SPDYA: variants seen among roughly 807,000 people sequenced by gnomAD.
The protein encoded by SPDYA is speedy protein A.
SPDYA carries 11 observed loss-of-function variants against 36.7 expected under a neutral mutation model. That is an observed-to-expected ratio of 0.30 (90% CI 0.19 to 0.50). The LOEUF (loss-of-function observed/expected upper bound fraction) is 0.50. Among genes scored for constraint, SPDYA ranks in the 20% least tolerant of loss-of-function variants. The pLI is 0.98. For missense variants in SPDYA, 287 were observed against 370.9 expected (o/e 0.77, Z 1.86); for synonymous variants, 115 against 118.7 (o/e 0.97, Z 0.20).
At chr2:28,847,499 T>G (rs549138379) in intron 7 of SPDYA, among the ~76,000 whole-genome samples, 3 of 151,650 alleles carry the variant, frequency 2.0e-5, no homozygotes, top group Admixed American at 1.3e-4. Flanking sequence ...CCTAGAACTG[T>G]GGGAGGCCGA....
At chr2:28,819,157 C>T in intron 4 of SPDYA, 51 bp downstream of exon 4, 1 of 1,332,412 alleles carries the variant, frequency 7.5e-7, no homozygotes, top group Admixed American at 1.9e-5. Flanking sequence ...TGTAACTGAA[C>T]CATTAGAGCT....
chr2:28,845,731 G>C (rs1282388635), intron 7 of SPDYA, among the ~76,000 whole-genome samples: 2 of 151,974 alleles, frequency 1.3e-5, no homozygotes, highest in Non-Finnish European at 1.5e-5. Flanking sequence ...TTTTAGTAGA[G>C]ACAGGGTTTC....
chr2:28,827,642 G>GT (rs953065599), intron 5 of SPDYA, among the ~76,000 whole-genome samples: 18 of 150,930 alleles, frequency 1.2e-4, no homozygotes, highest in South Asian at 6.3e-4. Context: ...TTATCTAATG[G>GT]TTTTTTTTTC....
intron 7 of SPDYA, among the ~76,000 whole-genome samples, chr2:28,843,854 T>C (rs779270623): frequency 6.6e-6 from 1 of 152,168 alleles, no homozygotes; most frequent in Non-Finnish European, 1.5e-5. Context: ...ACTACTATTG[T>C]TTCTCCTTAC....
At chr2:28,819,847 AAAATATATATATATATATATAT>A (rs1175368652) in intron 4 of SPDYA, among the ~76,000 whole-genome samples, 6 of 19,526 alleles carry the variant, frequency 3.1e-4, no homozygotes, top group Non-Finnish European at 4.2e-4. Context: ...AAAAAAAAAA[AAAATATATATATATATATATAT>A]ATATATATAT....
chr2:28,839,152 T>A (rs1054703940), intron 6 of SPDYA, among the ~76,000 whole-genome samples: 3 of 152,174 alleles, frequency 2.0e-5, no homozygotes, highest in Non-Finnish European at 4.4e-5. Flanking sequence ...ATTTTAGAGA[T>A]GAAGAAATTG....
At chr2:28,843,331 C>T (rs1668791744) in intron 7 of SPDYA, among the ~76,000 whole-genome samples, 1 of 152,064 alleles carries the variant, frequency 6.6e-6, no homozygotes, top group South Asian at 2.1e-4. Context: ...GGGCGGATCA[C>T]CTGAGGTCAG....
At position 28,840,293 on chromosome 2, in the gene SPDYA, C is replaced by T; in HGVS notation, c.674C>T (p.Pro225Leu). Residue 225 changes from proline to leucine, a missense_variant, in exon 7 of 8, where the codon CCA becomes CTA. Coordinates refer to ENST00000334056, the MANE Select transcript of SPDYA (RefSeq NM_182756.4). ...CTGCCCCGGGGACCTAGTGCCACAC[C>T]AGTAGATTGTTCACTCTGTGGTAAA... The part of the protein sequence containing the change: ...VQLPRGPSAT[P>L]VDCSLCGKKR... 3 of 1,613,176 alleles carry T rather than the reference C, an allele frequency of 1.9e-6. No individual in the cohort carries two copies. Among genetic ancestry groups the T allele is most frequent in the Admixed American group, 1.7e-5 (1 of 59,834 alleles).
At chr2:28,822,765 G>A (rs754098104) in intron 5 of SPDYA, among the ~76,000 whole-genome samples, 14 of 151,964 alleles carry the variant, frequency 9.2e-5, no homozygotes, top group African/African-American at 3.1e-4. Flanking sequence ...GTGCCACCAC[G>A]CTCAGCTAAT....
chr2:28,833,661 C>T (rs1170362267), intron 6 of SPDYA, among the ~76,000 whole-genome samples: 1 of 152,114 alleles, frequency 6.6e-6, no homozygotes, highest in African/African-American at 2.4e-5. Flanking sequence ...AACTGGATAT[C>T]TACAAGCAAA....
intron 7 of SPDYA, among the ~76,000 whole-genome samples, chr2:28,844,629 C>A (rs1034050199): frequency 5.3e-5 from 8 of 152,086 alleles, no homozygotes; most frequent in Admixed American, 3.9e-4. Flanking sequence ...CTGTATTAAA[C>A]GCATCTTTTT....
chr2:28,841,684 G>A (rs1480048050), intron 7 of SPDYA, among the ~76,000 whole-genome samples: 1 of 152,112 alleles, frequency 6.6e-6, no homozygotes, highest in Non-Finnish European at 1.5e-5. Context: ...TTGAAGGTAG[G>A]GGTTATGCCT....
chr2:28,824,146 T>G (rs185524619), intron 5 of SPDYA, among the ~76,000 whole-genome samples: 73 of 152,222 alleles, frequency 4.8e-4, no homozygotes, highest in African/African-American at 1.7e-3. Context: ...AAGTTTTTAC[T>G]CAAAGTGTAT....
chr2:28,821,806 T>C (rs2148081409), intron 4 of SPDYA, among the ~76,000 whole-genome samples: 1 of 152,230 alleles, frequency 6.6e-6, no homozygotes, highest in East Asian at 1.9e-4. Flanking sequence ...TTAAAACACA[T>C]TCTCCCCATG....
chr2:28,819,058 A>G lies in SPDYA; in HGVS notation c.246A>G (p.Leu82=). 5.6e-6 allele frequency: 9 copies of G among 1,611,366 alleles called. No homozygotes were observed. The highest frequency in any genetic ancestry group is 7.6e-6 in the Non-Finnish European group (9 of 1,178,692). ...TATCTTTTGTTGTAGATGACGATTTAATTCAAGATTTCTTGTGGATGGACT... is the reference window on the plus strand; with the variant it reads ...TATCTTTTGTTGTAGATGACGATTTGATTCAAGATTTCTTGTGGATGGACT... ...TAFFKLFDDD[L]IQDFLWMDCC... The change falls in exon 4 of 8, where the codon TTA becomes TTG. Residue 82 remains leucine (L), a synonymous_variant. Transcript: ENST00000334056.
chr2:28,838,632 T>C (rs1481377413), intron 6 of SPDYA, among the ~76,000 whole-genome samples: 3 of 152,358 alleles, frequency 2.0e-5, no homozygotes, highest in East Asian at 1.9e-4. Context: ...TGTATTTTCC[T>C]AGGTGGGTTA....
intron 5 of SPDYA, 138 bp from the exon 6 acceptor site, chr2:28,829,010 A>T: frequency 1.5e-6 from 1 of 655,536 alleles, no homozygotes; most frequent in Non-Finnish European, 2.5e-6. Flanking sequence ...ATGTATCTCT[A>T]TTTTTGAACT....
chr2:28,819,292 T>C (rs948383158), intron 4 of SPDYA, among the ~76,000 whole-genome samples, 186 bp downstream of exon 4: 13 of 152,288 alleles, frequency 8.5e-5, no homozygotes, highest in African/African-American at 3.1e-4. Context: ...GTGGATCACT[T>C]GAAGCCAGGA....
intron 7 of SPDYA, among the ~76,000 whole-genome samples, chr2:28,845,673 T>C (rs544376065): frequency 6.6e-6 from 1 of 152,234 alleles, no homozygotes; most frequent in South Asian, 2.1e-4. Context: ...GCCTTCCCAG[T>C]AGCTGGGATT....
Sources: allele counts gnomAD v4.1 joint callset (sites outside exome capture counted in the v4.1 genomes callset), GRCh38; gene constraint gnomAD v4.1.1; transcripts MANE v1.5; gene names NCBI Gene and HGNC (gene_info 2026-07-23, HGNC 2026-07-21).